Variants in RPS6KA2 observed in about 807,000 individuals in gnomAD.
RPS6KA2 encodes the protein ribosomal protein S6 kinase A2.
Under a neutral mutation model 91.8 loss-of-function variants are expected in RPS6KA2, and 42 were observed. That is an observed-to-expected ratio of 0.46 (90% CI 0.36 to 0.59). The LOEUF (loss-of-function observed/expected upper bound fraction) is 0.59, where lower values mean the gene tolerates loss of function less well. RPS6KA2 is among the 20% of genes least tolerant of loss of function. The pLI is 0.00. For synonymous variants in RPS6KA2, 414 were observed against 393.6 expected, an observed-to-expected ratio of 1.05 and a Z score of -0.61; for missense variants, 798 against 978.5, an observed-to-expected ratio of 0.82 and a Z score of 2.46.
At position 166,508,280 on chromosome 6, in the gene RPS6KA2, A is replaced by G. The variant is rs942970630; in HGVS notation, c.382T>C (p.Phe128Leu). 3 of 1,609,964 alleles carry G rather than the reference A, an allele frequency of 1.9e-6. No individual in the cohort carries two copies. Among genetic ancestry groups the G allele is most frequent in the African/African-American group, 1.3e-5 (1 of 74,832 alleles). ...HPFIVKLHYAFQTEGKLYLIL... is the reference protein window; with the variant it reads ...HPFIVKLHYALQTEGKLYLIL... ...AGGTAGAGCTTTCCTTCCGTCTGAA[A>G]GGCTGTGGGGGACAGAGACCCGCAT... Residue 128 changes from phenylalanine (F) to leucine (L), a missense_variant and splice_region_variant, in exon 5 of 21, where the codon TTT (phenylalanine) becomes CTT (leucine). By Grantham distance (22) the Phe-to-Leu change is conservative (BLOSUM62 0). Transcript: ENST00000265678. This position sits in a 1 kb window ranked among gnomAD's most constrained non-coding sequence, Gnocchi z 4.3.
intron 2 of RPS6KA2, among the ~76,000 whole-genome samples, chr6:166,670,496 T>C (rs900743055): frequency 3.9e-5 from 6 of 152,198 alleles, no homozygotes; most frequent in Non-Finnish European, 5.9e-5. Context: ...CTAAAGGTAG[T>C]TAGTACACCT....
chr6:166,473,184 C>T (rs985174731), intron 10 of RPS6KA2, among the ~76,000 whole-genome samples: 1 of 145,416 alleles, frequency 6.9e-6, no homozygotes, highest in African/African-American at 2.7e-5. Flanking sequence ...CAGTGCAGTG[C>T]CTGTGAATGG....
At chr6:166,797,511 AT>A (rs1467825845) in intron 2 of RPS6KA2, among the ~76,000 whole-genome samples, 2 of 152,214 alleles carry the variant, frequency 1.3e-5, no homozygotes, top group African/African-American at 4.8e-5. Flanking sequence ...TATGTATCAT[AT>A]ACTGTATTCT....
At chr6:166,582,160 G>A (rs1228454102) in intron 1 of RPS6KA2, among the ~76,000 whole-genome samples, 1 of 151,778 alleles carries the variant, frequency 6.6e-6, no homozygotes, top group East Asian at 1.9e-4. Context: ...TGGGCAGGTG[G>A]GCTGGGCAGG....
At chr6:166,803,155 T>A (rs890873301) in intron 2 of RPS6KA2, among the ~76,000 whole-genome samples, 22 of 152,230 alleles carry the variant, frequency 1.4e-4, no homozygotes, top group Admixed American at 1.4e-3. Flanking sequence ...TATTCTGCAC[T>A]TTGACCAAAT....
chr6:166,607,207 T>G (rs1183113389), intron 1 of RPS6KA2, among the ~76,000 whole-genome samples: 2 of 149,730 alleles, frequency 1.3e-5, no homozygotes, highest in African/African-American at 4.9e-5. Context: ...TGCAATCACT[T>G]TGGAAAATGG....
intron 2 of RPS6KA2, among the ~76,000 whole-genome samples, chr6:166,800,941 A>C (rs933203224): frequency 2.0e-5 from 3 of 152,240 alleles, no homozygotes; most frequent in Non-Finnish European, 4.4e-5. Flanking sequence ...AAAATCTTTA[A>C]AGTTAATAAA....
chr6:166,612,207 A>G lies in RPS6KA2; in HGVS notation c.99+14714T>C, dbSNP rs1786207371. Among the ~76,000 whole-genome samples, 1 of 152,010 alleles carries G rather than the reference A, an allele frequency of 6.6e-6. No individual in the cohort carries two copies. The highest frequency in any genetic ancestry group is 2.4e-5 in the African/African-American group (1 of 41,392). On this transcript the variant is annotated intron_variant, in intron 1 of 20. Coordinates refer to ENST00000265678, the MANE Select transcript of RPS6KA2 (RefSeq NM_021135.6). The surrounding 1 kb of genome is among the most constrained non-coding windows in gnomAD (Gnocchi z 4.3). ...TGACCATCTGGGGGGGCTCTAGGAAAAGCCTGGAAGAGACTCTCTGTGGGA... is the reference window on the plus strand; with the variant it reads ...TGACCATCTGGGGGGGCTCTAGGAAGAGCCTGGAAGAGACTCTCTGTGGGA...
intron 2 of RPS6KA2, among the ~76,000 whole-genome samples, chr6:166,654,319 C>T (rs1787943687): frequency 6.6e-6 from 1 of 152,140 alleles, no homozygotes; most frequent in Non-Finnish European, 1.5e-5. Context: ...TGCTTCACAT[C>T]TAGTAATGAA....
chr6:166,627,169 G>A lies in RPS6KA2; in HGVS notation c.-150C>T, dbSNP rs1786918947. On this transcript the variant is annotated 5_prime_UTR_variant, in exon 1 of 21. Coordinates refer to ENST00000265678, the MANE Select transcript of RPS6KA2 (RefSeq NM_021135.6). The stretch of plus-strand genomic sequence containing the variant: ...CGCGGGGCGTGGGGCGCGAGCTGCG[G>A]TCACAAAGGGCAGGCCGCGCCGGCC... The A allele has an allele frequency of 2.8e-6, 3 of 1,089,412 alleles. No homozygotes were observed. The highest frequency in any genetic ancestry group is 1.7e-5 in the African/African-American group (1 of 59,636). The allele number at this position is 1,089,412 out of a possible 1,614,324, so 67.5% of individuals were successfully genotyped here.
At chr6:166,455,393 T>C (rs1363565585) in intron 12 of RPS6KA2, among the ~76,000 whole-genome samples, 1 of 152,072 alleles carries the variant, frequency 6.6e-6, no homozygotes, top group Non-Finnish European at 1.5e-5. Flanking sequence ...GTGCTCTTCC[T>C]GGGGTAGGAA....
At chr6:166,575,163 T>C (rs990288549) in intron 1 of RPS6KA2, among the ~76,000 whole-genome samples, 7 of 152,220 alleles carry the variant, frequency 4.6e-5, no homozygotes, top group African/African-American at 1.7e-4. Flanking sequence ...ACGAACGCCA[T>C]ACAACTTCTC....
chr6:166,473,195 AT>A (rs11305958), intron 10 of RPS6KA2, among the ~76,000 whole-genome samples: 40,796 of 149,060 alleles, frequency 0.27, 5,889 homozygotes, highest in East Asian at 0.51. Flanking sequence ...CTGTGAATGG[AT>A]TTTTTTTTTT....
At chr6:166,670,466 TG>T (rs1788440079) in intron 2 of RPS6KA2, among the ~76,000 whole-genome samples, 2 of 152,198 alleles carry the variant, frequency 1.3e-5, no homozygotes, top group African/African-American at 4.8e-5. Flanking sequence ...CCAGTAAGTT[TG>T]GGGGTAATTT....
In RPS6KA2 at chr6:166,495,429, G is replaced by A. The variant is rs773467842; in HGVS notation, c.747+3079C>T. Reference sequence around the variant, plus strand: ...CTGTGCCCAGGGAGGCACGTGGGAGGAGAGTGCCTGCTGTGTTGACGTGCC... The same window carrying A: ...CTGTGCCCAGGGAGGCACGTGGGAGAAGAGTGCCTGCTGTGTTGACGTGCC... On this transcript the variant is annotated intron_variant, in intron 8 of 20. Coordinates refer to ENST00000265678, the MANE Select transcript of RPS6KA2 (RefSeq NM_021135.6). This position sits in a 1 kb window ranked among gnomAD's most constrained non-coding sequence, Gnocchi z 4.4. Among the ~76,000 whole-genome samples the A allele has an allele frequency of 3.9e-5, 6 of 152,216 alleles. No individual in the cohort carries two copies. Among genetic ancestry groups the A allele is most frequent in the African/African-American group, 1.2e-4 (5 of 41,436 alleles).
At chr6:166,703,147 C>G (rs1056687984) in intron 2 of RPS6KA2, among the ~76,000 whole-genome samples, 1 of 152,232 alleles carries the variant, frequency 6.6e-6, no homozygotes, top group Non-Finnish European at 1.5e-5. Flanking sequence ...ATCTACCAAG[C>G]AATACAGGGG....
Position 166,647,920 on chromosome 6 carries a change from TCA to T in RPS6KA2, c.124-109138_124-109137del, listed in dbSNP as rs371612456. 6.2e-3 allele frequency among the ~76,000 whole-genome samples: 555 copies of T among 90,218 alleles called. 4 individuals carry two copies. The highest frequency in any genetic ancestry group is 0.021 in the African/African-American group (486 of 22,966). 59.2% of individuals were successfully genotyped at this position (90,218 alleles called of 152,430 possible). A position where few individuals can be genotyped will look rare whatever the true frequency, so the allele number is the denominator to read the frequency against. ...CACATGCTCACACACATGCACATGCTCACACACACGCACATGCTCATACACAC... is the reference window on the plus strand; with the variant it reads ...CACATGCTCACACACATGCACATGCTCACACACGCACATGCTCATACACAC... On this transcript the variant is annotated intron_variant, in intron 2 of 21. Transcript: ENST00000503859.
intron 2 of RPS6KA2, among the ~76,000 whole-genome samples, chr6:166,755,166 T>C (rs755991681): frequency 6.6e-6 from 1 of 152,226 alleles, no homozygotes; most frequent in African/African-American, 2.4e-5. Context: ...CATCCACGCA[T>C]ACTTCTAGGT....
At chr6:166,485,725 G>A (rs6918959) in intron 10 of RPS6KA2, among the ~76,000 whole-genome samples, 8,952 of 152,228 alleles carry the variant, frequency 0.059, 909 homozygotes, top group African/African-American at 0.2. Flanking sequence ...TGATGAACGG[G>A]GGGGTCTGTA....
Sources: allele counts gnomAD v4.1 joint callset (sites outside exome capture counted in the v4.1 genomes callset), GRCh38; gene constraint gnomAD v4.1.1; non-coding constraint Gnocchi (gnomAD v3.1); transcripts MANE v1.5; gene names NCBI Gene and HGNC (gene_info 2026-07-23, HGNC 2026-07-21).